MCF2L: variants seen among roughly 807,000 people sequenced by gnomAD.
MCF2L encodes the protein MCF.2 cell line derived transforming sequence like, also known as guanine nucleotide exchange factor DBS.
MCF2L carries 97 observed loss-of-function variants against 153.4 expected under a neutral mutation model. The observed-to-expected ratio is 0.63, with a 90% CI of 0.54 to 0.75. MCF2L has a LOEUF of 0.75. MCF2L is among the 30% of genes least tolerant of loss of function. The pLI is 0.00. For synonymous variants in MCF2L, 659 were observed against 632.2 expected, an observed-to-expected ratio of 1.04 and a Z score of -0.64; for missense variants, 1,347 against 1,495.2, an observed-to-expected ratio of 0.90 and a Z score of 1.64.
intron 1 of MCF2L, among the ~76,000 whole-genome samples, chr13:113,006,714 G>A (rs530300770): frequency 2.6e-5 from 4 of 152,298 alleles, no homozygotes; most frequent in East Asian, 1.9e-4. Context: ...GAAGACCCTC[G>A]GGTCTGGGCC....
chr13:113,018,070 G>A (rs1180693560), intron 2 of MCF2L, among the ~76,000 whole-genome samples: 1 of 152,208 alleles, frequency 6.6e-6, no homozygotes, highest in Non-Finnish European at 1.5e-5. Context: ...TCCATTGTCT[G>A]TAGACGCACA....
chr13:112,972,484 G>A (rs2082075314), intron 1 of MCF2L, among the ~76,000 whole-genome samples: 1 of 151,154 alleles, frequency 6.6e-6, no homozygotes, highest in Non-Finnish European at 1.5e-5. Flanking sequence ...GTGGATGGAT[G>A]GATGGATGAT....
Position 113,074,588 on chromosome 13 carries a change from G to A in MCF2L, c.1116+25G>A, listed in dbSNP as rs138927691. On this transcript the variant is annotated intron_variant, in intron 10 of 29. Transcript: ENST00000535094. This position sits in a 1 kb window ranked among gnomAD's most constrained non-coding sequence, Gnocchi z 4.2. ...CGTAAGGCGGGGTCCCGGCGGGGGC[G>A]GCGGGAGAGTGTGGGCAGCATCATC... is the stretch of plus-strand genomic sequence containing the variant. 3,893 of 1,610,476 alleles carry A rather than the reference G, an allele frequency of 2.4e-3. 105 individuals are homozygous for A. In the East Asian group the frequency reaches 0.048, roughly 20 times the overall value.
At chr13:112,936,219 T>C (rs182462595) in intron 2 of MCF2L, among the ~76,000 whole-genome samples, 18 of 145,602 alleles carry the variant, frequency 1.2e-4, no homozygotes, top group South Asian at 4.4e-4. Flanking sequence ...GGCAGAGGTT[T>C]CAGTGAGCCA....
intron 7 of MCF2L, 75 bp downstream of exon 7, chr13:113,065,160 A>T: frequency 6.5e-7 from 1 of 1,541,768 alleles, no homozygotes. Flanking sequence ...CTCCGGTCGG[A>T]AGCTGCGGGG....
intron 1 of MCF2L, among the ~76,000 whole-genome samples, chr13:112,895,432 CAG>C (rs894481483): frequency 6.6e-6 from 1 of 152,114 alleles, no homozygotes; most frequent in African/African-American, 2.4e-5. Context: ...CTGCAGGCTG[CAG>C]AGTGTCGGTG....
In MCF2L at chr13:113,031,229, GAGAGAAGAGAC is replaced by G. The variant is rs1465004792; in HGVS notation, c.278+6477_278+6487del. Among the ~76,000 whole-genome samples, 5 of 135,368 alleles carry G rather than the reference GAGAGAAGAGAC, an allele frequency of 3.7e-5. No homozygotes were observed. Among genetic ancestry groups the G allele is most frequent in the African/African-American group, 8.5e-5 (3 of 35,392 alleles). The allele number at this position is 135,368 out of a possible 152,430, so 88.8% of individuals were successfully genotyped here. ...ACAGAGACAGAGACAGAGAGAGACA[GAGAGAAGAGAC>G]AGAGAGTGACAGAGATAGAGACAGA... On this transcript the variant is annotated intron_variant, in intron 3 of 29. Transcript: ENST00000535094. The surrounding 1 kb of genome is among the most constrained non-coding windows in gnomAD (Gnocchi z 5.5).
Position 113,028,821 on chromosome 13 carries a change from CTGTGGTGTGTGTGGGGTGAGTG to C in MCF2L, c.278+4078_278+4099del. On this transcript the variant is annotated intron_variant, in intron 3 of 29. Transcript: ENST00000535094. This position sits in a 1 kb window ranked among gnomAD's most constrained non-coding sequence, Gnocchi z 5.4. ...TGGTGTGAGTGTGTGTAATGTGAGC[CTGTGGTGTGTGTGGGGTGAGTG>C]TGTGGTGTGTGTGGCGTGTGCGGGG... is the stretch of plus-strand genomic sequence containing the variant. 6.6e-6 allele frequency among the ~76,000 whole-genome samples: 1 copy of C among 151,392 alleles called. No homozygotes were observed. The highest frequency in any genetic ancestry group is 2.4e-5 in the African/African-American group (1 of 41,266).
At chr13:113,082,987 C>T (rs747077746) in intron 17 of MCF2L, among the ~76,000 whole-genome samples, 8 of 152,184 alleles carry the variant, frequency 5.3e-5, no homozygotes, top group South Asian at 2.1e-4. Flanking sequence ...TTGAAAAGGA[C>T]GGCAAACTAG....
At chr13:113,011,810 G>A (rs1211863787) in intron 1 of MCF2L, among the ~76,000 whole-genome samples, 5 of 110,524 alleles carry the variant, frequency 4.5e-5, no homozygotes, top group African/African-American at 7.2e-5. Flanking sequence ...GTGGACAGGC[G>A]GTGTGGACGG....
At chr13:113,094,678 C>T in intron 27 of MCF2L, 43 bp downstream of exon 27, 7 of 1,586,800 alleles carry the variant, frequency 4.4e-6, no homozygotes, top group Non-Finnish European at 6.0e-6. Flanking sequence ...GGGGGCTGCC[C>T]TCCGGGGATT....
chr13:113,041,720 G>T (rs984435189), intron 3 of MCF2L, among the ~76,000 whole-genome samples: 2 of 152,186 alleles, frequency 1.3e-5, no homozygotes, highest in African/African-American at 4.8e-5. Flanking sequence ...GGAGACATGG[G>T]GCTGAGGGGG....
At position 113,027,079 on chromosome 13, in the gene MCF2L, G is replaced by A; in HGVS notation, c.278+2321G>A. ...AGAAATATCCTTAAATATGGCATCT[G>A]TATCCCGCACATTACATAAGGTGGC... On this transcript the variant is annotated intron_variant, in intron 3 of 29. Coordinates refer to ENST00000535094, the MANE Select transcript of MCF2L (RefSeq NM_001112732.3). The surrounding 1 kb of genome is among the most constrained non-coding windows in gnomAD (Gnocchi z 4.8). The A allele has an allele frequency of 2.6e-6, 2 of 758,638 alleles. No homozygotes were observed. The highest frequency in any genetic ancestry group is 4.9e-6 in the Non-Finnish European group (2 of 411,738). The allele number at this position is 758,638 out of a possible 1,614,324, so 47.0% of individuals were successfully genotyped here. A position where few individuals can be genotyped will look rare whatever the true frequency, so the allele number is the denominator to read the frequency against.
upstream of MCF2L, chr13:112,968,719 A>C: frequency 7.2e-7 from 1 of 1,394,398 alleles, no homozygotes; most frequent in Middle Eastern, 2.1e-4. Context: ...CCGGAGGTAA[A>C]GGGAGGCGGC....
In MCF2L at chr13:112,911,161, G is replaced by A. The variant is rs548043579; in HGVS notation, c.169+8790G>A. The stretch of plus-strand genomic sequence containing the variant: ...CTGGCGGTGGGTGGCGAATGCCAAG[G>A]CCCCCTCAGGAGCCTAAGCCCAGCT... On this transcript the variant is annotated intron_variant, in intron 2 of 29. Transcript: ENST00000375608. Among the ~76,000 whole-genome samples the A allele has an allele frequency of 1.5e-3, 230 of 152,302 alleles. 1 individual carries two copies. The highest frequency in any genetic ancestry group is 5.2e-3 in the African/African-American group (215 of 41,568).
chr13:112,981,089 C>T (rs72661955), intron 1 of MCF2L, among the ~76,000 whole-genome samples: 38,671 of 149,522 alleles, frequency 0.26, 5,792 homozygotes, highest in Non-Finnish European at 0.34. Context: ...CTGGGGACCC[C>T]GACACGTCCC....
chr13:113,096,738 G>C (rs1307587691), intron 29 of MCF2L, 36 bp from the exon 30 acceptor site: 2 of 1,554,744 alleles, frequency 1.3e-6, no homozygotes, highest in African/African-American at 2.8e-5. Context: ...CGGCAGAGCC[G>C]ACGCCGAAGC....
chr13:112,912,334 T>A (rs926170118), intron 2 of MCF2L, among the ~76,000 whole-genome samples: 1 of 151,530 alleles, frequency 6.6e-6, no homozygotes, highest in South Asian at 2.1e-4. Flanking sequence ...TTTTTTTTTT[T>A]AGATAGAGCC....
chr13:112,897,383 G>T (rs1276398178), intron 1 of MCF2L, among the ~76,000 whole-genome samples: 1 of 152,148 alleles, frequency 6.6e-6, no homozygotes, highest in Admixed American at 6.5e-5. Flanking sequence ...GCTCTGCGGG[G>T]TTCACAGGAA....
Sources: gnomAD v4.1 joint callset for allele counts (sites outside exome capture counted in the v4.1 genomes callset) on GRCh38, gnomAD v4.1.1 for gene constraint, Gnocchi (gnomAD v3.1) non-coding constraint, MANE v1.5 for transcripts, NCBI Gene and HGNC (gene_info 2026-07-23, HGNC 2026-07-21) for gene names.